FILIP1L: variants seen among roughly 807,000 people sequenced by gnomAD.
FILIP1L encodes filamin A interacting protein 1 like, also known as filamin A-interacting protein 1-like.
A neutral mutation model predicts 96.6 loss-of-function variants in FILIP1L; 55 were observed. That is an observed-to-expected ratio of 0.57 (90% CI 0.46 to 0.71). The LOEUF is 0.71. FILIP1L is among the 30% of genes least tolerant of loss of function. FILIP1L has a pLI of 0.00. For missense variants in FILIP1L, 1,304 were observed against 1,321.2 expected (o/e 0.99, Z 0.20); for synonymous variants, 467 against 473.9 (o/e 0.99, Z 0.19).
At chr3:100,034,438 G>A (rs1487218718) in intron 1 of FILIP1L, among the ~76,000 whole-genome samples, 1 of 152,104 alleles carries the variant, frequency 6.6e-6, no homozygotes, top group Non-Finnish European at 1.5e-5. Flanking sequence ...TTTCACACTG[G>A]CTTTAGTAAG....
At position 99,850,643 on chromosome 3, in the gene FILIP1L, G is replaced by A. The variant is rs542026629; in HGVS notation, c.1033C>T (p.Arg345Ter). 2.2e-5 allele frequency: 36 copies of A among 1,613,688 alleles called. No individual in the cohort carries two copies. The highest frequency in any genetic ancestry group is 3.3e-5 in the Admixed American group (2 of 59,974). The change falls in exon 5 of 6, where the codon CGA becomes TGA. Residue 345 changes from arginine to a stop codon, truncating the protein, a stop_gained. Coordinates refer to ENST00000477258, the MANE Select transcript of FILIP1L (RefSeq NM_001387850.1). LOFTEE classifies it high-confidence loss of function. ...TCTTGCAGCTCCTCTTCTGCTTTTC[G>A]TAAAGACCTGTTTGTCTCTTCTAAC... ...DELEETNRSLRKAEEELQDIK... is the reference protein window; with the variant it reads ...DELEETNRSL
chr3:100,030,277 G>A (rs550625303), intron 1 of FILIP1L, among the ~76,000 whole-genome samples: 3 of 152,232 alleles, frequency 2.0e-5, no homozygotes, highest in African/African-American at 7.2e-5. Flanking sequence ...AGCTGGCTTG[G>A]ATGAGAAAGG....
In FILIP1L at chr3:99,999,087, T is replaced by G. The variant is rs191080311; in HGVS notation, c.-10-68057A>C. Among the ~76,000 whole-genome samples the G allele has an allele frequency of 1.8e-3, 273 of 152,340 alleles. 2 individuals carry two copies. The highest frequency in any genetic ancestry group is 6.4e-3 in the African/African-American group (267 of 41,582). On this transcript the variant is annotated intron_variant, in intron 1 of 5. Transcript: ENST00000477258. ...TATGTACCTATATCCGTCATATATA[T>G]CTCAGTTACTGATTCAATTTACAGT...
At chr3:99,956,363 G>A (rs1211087043) in intron 1 of FILIP1L, among the ~76,000 whole-genome samples, 3 of 152,056 alleles carry the variant, frequency 2.0e-5, no homozygotes, top group Non-Finnish European at 4.4e-5. Flanking sequence ...AGCTTTGTTT[G>A]TTTTTGTGAG....
intron 1 of FILIP1L, chr3:100,040,400 A>T (rs2065185061): frequency 6.6e-6 from 1 of 152,216 alleles, no homozygotes; most frequent in Non-Finnish European, 1.5e-5. Context: ...GTTCCAGATA[A>T]TAGCATTCCA....
intron 4 of FILIP1L, among the ~76,000 whole-genome samples, chr3:99,889,499 G>A (rs1016014522): frequency 1.3e-5 from 2 of 151,808 alleles, no homozygotes; most frequent in Non-Finnish European, 2.9e-5. Context: ...GTATAGCTAG[G>A]AATTATAATT....
chr3:100,007,278 TGAGA>T (rs1195774516), intron 1 of FILIP1L, among the ~76,000 whole-genome samples: 2 of 152,196 alleles, frequency 1.3e-5, no homozygotes, highest in African/African-American at 4.8e-5. Context: ...TTTTATTTTT[TGAGA>T]TGAAAATATC....
At chr3:99,930,428 G>A (rs975186488) in intron 2 of FILIP1L, among the ~76,000 whole-genome samples, 2 of 152,004 alleles carry the variant, frequency 1.3e-5, no homozygotes, top group African/African-American at 4.8e-5. Flanking sequence ...GTTCACTTGG[G>A]GTACAAAAGC....
In FILIP1L at chr3:99,850,995, G is replaced by C. The variant is rs1293789037; in HGVS notation, c.681C>G (p.Thr227=). The C allele has an allele frequency of 6.2e-7, 1 of 1,613,728 alleles. No homozygotes were observed. The highest frequency in any genetic ancestry group is 8.5e-7 in the Non-Finnish European group (1 of 1,179,980). The change falls in exon 5 of 6, where the codon ACC becomes ACG. Residue 227 remains threonine, a synonymous_variant. Coordinates refer to ENST00000477258, the MANE Select transcript of FILIP1L (RefSeq NM_001387850.1). ...TCAGCTTGGTCAGCTCCTCTTTCAG[G>C]GTGGTGACCCTTTTCTCCTTTTCTT... The part of the protein sequence containing the change: ...KEQEKEKRVT[T]LKEELTKLKS...
Position 100,010,763 on chromosome 3 carries a change from C to T in FILIP1L, c.-10-79733G>A, listed in dbSNP as rs1005932503. Among the ~76,000 whole-genome samples, 8 of 147,450 alleles carry T rather than the reference C, an allele frequency of 5.4e-5. No individual in the cohort carries two copies. In the East Asian group the frequency reaches 1.0e-3, roughly 19 times the overall value. ...CTGAGTAGCTGGGATTACAGGTGCGCGCCTCCACGCCCGGATTTTTTTTTT... is the reference window on the plus strand; with the variant it reads ...CTGAGTAGCTGGGATTACAGGTGCGTGCCTCCACGCCCGGATTTTTTTTTT... On this transcript the variant is annotated intron_variant, in intron 1 of 5. Transcript: ENST00000477258.
In FILIP1L at chr3:99,850,861, G is replaced by GT; in HGVS notation, c.814dup (p.Thr272AsnfsTer7). On this transcript the variant is annotated frameshift_variant, in exon 5 of 6. Coordinates refer to ENST00000477258, the MANE Select transcript of FILIP1L (RefSeq NM_001387850.1). LOFTEE classifies it high-confidence loss of function. ...TCTGGCTTCAGCAAGGGCTAGTTTG[G>GT]TATGTGTTTCCTTTGCATTTGTGGT... 6.2e-7 allele frequency: 1 copy of GT among 1,614,128 alleles called. No individual in the cohort carries two copies. Among genetic ancestry groups the GT allele is most frequent in the Non-Finnish European group, 8.5e-7 (1 of 1,180,016 alleles).
At position 99,878,834 on chromosome 3, in the gene FILIP1L, T is replaced by C. The variant is rs546286069; in HGVS notation, c.606-27764A>G. On this transcript the variant is annotated intron_variant, in intron 4 of 5. Transcript: ENST00000477258. ...AACCAGCTGTTGGCATTGTGCGCCA[T>C]TGGCCACATAAGTAGATGAGTAGAC... Among the ~76,000 whole-genome samples, 286 of 152,356 alleles carry C rather than the reference T, an allele frequency of 1.9e-3. 1 individual carries two copies. The highest frequency in any genetic ancestry group is 6.6e-3 in the African/African-American group (275 of 41,584).
At chr3:99,891,939 A>G (rs1404697137) in intron 4 of FILIP1L, among the ~76,000 whole-genome samples, 3 of 152,238 alleles carry the variant, frequency 2.0e-5, no homozygotes, top group Non-Finnish European at 4.4e-5. Flanking sequence ...TAGAATAGCT[A>G]TGATTCACTA....
At chr3:100,014,778 A>G (rs900031762) in intron 1 of FILIP1L, among the ~76,000 whole-genome samples, 19 of 136,950 alleles carry the variant, frequency 1.4e-4, no homozygotes, top group Admixed American at 1.2e-3. Flanking sequence ...GTTTTCTCTC[A>G]TTCCATAGGT....
At chr3:99,944,863 A>C (rs1707961752) in intron 1 of FILIP1L, among the ~76,000 whole-genome samples, 1 of 152,246 alleles carries the variant, frequency 6.6e-6, no homozygotes, top group African/African-American at 2.4e-5. Context: ...GAGAAGAGAA[A>C]AAAACATAGA....
intron 1 of FILIP1L, among the ~76,000 whole-genome samples, chr3:99,978,985 T>G (rs979191553): frequency 1.8e-4 from 27 of 152,066 alleles, no homozygotes; most frequent in African/African-American, 6.5e-4. Context: ...AGATACAAAA[T>G]TACGGCTAGA....
rs556689557 is a variant in FILIP1L, at chr3:99,985,477, G to T, written c.-10-54447C>A. ...ATCATACCACTATACTTCAGCCTGGGTGACAGCAAGACCCTGTCTCAAAAA... is the reference window on the plus strand; with the variant it reads ...ATCATACCACTATACTTCAGCCTGGTTGACAGCAAGACCCTGTCTCAAAAA... On this transcript the variant is annotated intron_variant, in intron 1 of 5. Coordinates refer to ENST00000477258, the MANE Select transcript of FILIP1L (RefSeq NM_001387850.1). Among the ~76,000 whole-genome samples the T allele has an allele frequency of 2.6e-5, 4 of 152,224 alleles. No homozygotes were observed. The South Asian group carries it at 8.3e-4, about 32-fold the overall frequency.
At chr3:100,037,932 C>T (rs895947677) in intron 1 of FILIP1L, among the ~76,000 whole-genome samples, 12 of 144,392 alleles carry the variant, frequency 8.3e-5, no homozygotes, top group South Asian at 2.2e-4. Context: ...CCTTTTTAAT[C>T]GCTTTTCTTT....
chr3:100,108,393 T>G (rs151246882), intron 1 of FILIP1L, among the ~76,000 whole-genome samples: 1 of 152,186 alleles, frequency 6.6e-6, no homozygotes, highest in South Asian at 2.1e-4. Flanking sequence ...GCTTATTACT[T>G]ACCAAGGCAG....
Sources: allele counts gnomAD v4.1 joint callset (sites outside exome capture counted in the v4.1 genomes callset), GRCh38; gene constraint gnomAD v4.1.1; transcripts MANE v1.5; gene names NCBI Gene and HGNC (gene_info 2026-07-23, HGNC 2026-07-21).